Variants in KANSL1 observed in about 807,000 individuals in gnomAD.
KANSL1 encodes the protein MLL1/MLL complex subunit KANSL1.
KANSL1 carries 22 observed loss-of-function variants against 103.6 expected under a neutral mutation model. The observed-to-expected ratio is 0.21, with a 90% confidence interval of 0.15 to 0.30. The LOEUF is 0.30. Ranked by LOEUF, KANSL1 falls within the 10% of genes least tolerant of loss-of-function variation. The pLI is 1.00. For synonymous variants in KANSL1, 600 were observed against 527.6 expected (o/e 1.14, Z -1.88); for missense variants, 1,337 against 1,399.8 (o/e 0.96, Z 0.72).
chr17:46,087,968 T>C (rs991528135), intron 3 of KANSL1, among the ~76,000 whole-genome samples: 1 of 152,220 alleles, frequency 6.6e-6, no homozygotes, highest in Non-Finnish European at 1.5e-5. Context: ...AGCTGTGCCA[T>C]TAGCCTGGTG....
chr17:46,099,323 C>CAAAAA (rs5820610), intron 2 of KANSL1, among the ~76,000 whole-genome samples: 3 of 61,072 alleles, frequency 4.9e-5, no homozygotes, highest in Non-Finnish European at 8.6e-5. Flanking sequence ...GACTCCGTCT[C>CAAAAA]AAAAAAAAAA....
chr17:46,107,879 C>A (rs76761511), intron 2 of KANSL1, among the ~76,000 whole-genome samples: 21,656 of 151,934 alleles, frequency 0.14, 2,121 homozygotes, highest in Non-Finnish European at 0.22. Flanking sequence ...TTCAACCCCC[C>A]ACCACCTCTA....
intron 4 of KANSL1, among the ~76,000 whole-genome samples, chr17:46,071,647 G>A (rs2146706973): frequency 6.6e-6 from 1 of 152,308 alleles, no homozygotes; most frequent in Middle Eastern, 3.4e-3. Context: ...TATTACTACT[G>A]CAGTGGTTTA....
At chr17:46,162,431 T>C (rs1208053430) in intron 2 of KANSL1, among the ~76,000 whole-genome samples, 2 of 152,244 alleles carry the variant, frequency 1.3e-5, no homozygotes, top group African/African-American at 4.8e-5. Flanking sequence ...ACTCCAGGTA[T>C]ACCCAACAAA....
intron 7 of KANSL1, chr17:46,040,556 A>AT (rs2077280238): frequency 6.6e-6 from 1 of 152,176 alleles, no homozygotes; most frequent in African/African-American, 2.4e-5. Context: ...GATTTAAACC[A>AT]TTTTCCTCTC....
intron 2 of KANSL1, among the ~76,000 whole-genome samples, chr17:46,149,723 C>T (rs939183078): frequency 6.6e-6 from 1 of 152,166 alleles, no homozygotes; most frequent in Non-Finnish European, 1.5e-5. Context: ...AGTCACTTTC[C>T]TTGGCTGGGC....
At chr17:46,167,270 G>A (rs575066575) in intron 2 of KANSL1, among the ~76,000 whole-genome samples, 56 of 151,580 alleles carry the variant, frequency 3.7e-4, no homozygotes, top group African/African-American at 1.3e-3. Context: ...CAAAATTGCA[G>A]GGAAAAAAAA....
At chr17:46,112,368 CAAAAAAAAAAAAAAA>C (rs34480982) in intron 2 of KANSL1, among the ~76,000 whole-genome samples, 8 of 51,074 alleles carry the variant, frequency 1.6e-4, no homozygotes, top group East Asian at 9.4e-4. Context: ...AACTCTGTCT[CAAAAAAAAAAAAAAA>C]AAAAAAAAAA....
Position 46,031,269 on chromosome 17 carries a change from G to T in KANSL1, c.*207C>A. On this transcript the variant is annotated 3_prime_UTR_variant, in exon 15 of 15. Transcript: ENST00000432791. Reference sequence around the variant, plus strand: ...CTTCTGTTTGCCAACGGGAGGAAGTGCTCAGGTGTGTGACAAGAAAACATG... The same window carrying T: ...CTTCTGTTTGCCAACGGGAGGAAGTTCTCAGGTGTGTGACAAGAAAACATG... 1.6e-6 allele frequency: 1 copy of T among 612,056 alleles called. No homozygotes were observed. The highest frequency in any genetic ancestry group is 2.9e-6 in the Non-Finnish European group (1 of 349,904). The allele number at this position is 612,056 out of a possible 1,614,324, so 37.9% of individuals were successfully genotyped here. A position where few individuals can be genotyped will look rare whatever the true frequency, so the allele number is the denominator to read the frequency against.
At chr17:46,114,551 A>G (rs926839264) in intron 2 of KANSL1, among the ~76,000 whole-genome samples, 1 of 152,214 alleles carries the variant, frequency 6.6e-6, no homozygotes, top group Non-Finnish European at 1.5e-5. Flanking sequence ...TGCTGATAAC[A>G]GCTTACAATA....
intron 7 of KANSL1, chr17:46,045,134 G>A (rs2077457718): frequency 6.6e-6 from 1 of 152,126 alleles, no homozygotes; most frequent in Non-Finnish European, 1.5e-5. Flanking sequence ...CGTATGCCAA[G>A]CTGCTAGCCT....
intron 4 of KANSL1, among the ~76,000 whole-genome samples, chr17:46,081,906 A>G (rs1273954243): frequency 6.6e-6 from 1 of 152,256 alleles, no homozygotes; most frequent in Admixed American, 6.5e-5. Context: ...CTTGGAATTC[A>G]GAAAGAAAAT....
At chr17:46,191,749 C>G (rs1449789767) in intron 1 of KANSL1, among the ~76,000 whole-genome samples, 1 of 152,142 alleles carries the variant, frequency 6.6e-6, no homozygotes, top group Non-Finnish European at 1.5e-5. Flanking sequence ...AACACACACC[C>G]CAAAACAAAC....
At chr17:46,194,426 TC>T (rs2047534125), upstream of KANSL1, among the ~76,000 whole-genome samples, 1 of 152,268 alleles carries the variant, frequency 6.6e-6, no homozygotes, top group South Asian at 2.1e-4. Flanking sequence ...TTATCATTTC[TC>T]ATGACCAGTT....
At chr17:46,042,799 A>G (rs988766111) in intron 7 of KANSL1, 2 of 152,094 alleles carry the variant, frequency 1.3e-5, no homozygotes, top group African/African-American at 4.8e-5. Context: ...AAAAAAAAAA[A>G]AAAAAAAGCT....
chr17:46,105,786 G>A (rs1463873184), intron 2 of KANSL1, among the ~76,000 whole-genome samples: 1 of 151,886 alleles, frequency 6.6e-6, no homozygotes, highest in African/African-American at 2.4e-5. Flanking sequence ...AGGGAGGATC[G>A]CTTGAGCCTG....
intron 1 of KANSL1, among the ~76,000 whole-genome samples, chr17:46,184,421 C>T (rs972705781): frequency 2.0e-5 from 3 of 152,158 alleles, no homozygotes; most frequent in Admixed American, 6.5e-5. Context: ...TCTAATCTAG[C>T]GTCCACTACC....
In KANSL1 at chr17:46,159,412, T is replaced by C. The variant is rs1360555895; in HGVS notation, c.1289+11443A>G. ...AAATGCTAAGAAAAATAACCTCTAG[T>C]TCATCCTTCAAGTTTTCTGGTACTT... On this transcript the variant is annotated intron_variant, in intron 2 of 14. Transcript: ENST00000432791. Among the ~76,000 whole-genome samples the C allele has an allele frequency of 3.9e-4, 59 of 152,226 alleles. 1 individual carries two copies. Among genetic ancestry groups the C allele is most frequent in the Non-Finnish European group, 4.4e-5 (3 of 68,046 alleles).
chr17:46,180,234 G>A (rs1215688996), intron 1 of KANSL1, among the ~76,000 whole-genome samples: 3 of 152,058 alleles, frequency 2.0e-5, no homozygotes, highest in Non-Finnish European at 2.9e-5. Flanking sequence ...AGTGGCTCAC[G>A]CCTGCAATCC....
Sources: gnomAD v4.1 joint callset for allele counts (sites outside exome capture counted in the v4.1 genomes callset) on GRCh38, gnomAD v4.1.1 for gene constraint, MANE v1.5 for transcripts, NCBI Gene and HGNC (gene_info 2026-07-23, HGNC 2026-07-21) for gene names.